The following ALK variants were observed in gnomAD, a reference collection of about 807,000 sequenced individuals.
The protein encoded by ALK is ALK tyrosine kinase receptor.
ALK carries 74 observed loss-of-function variants against 163.1 expected under a neutral mutation model. The ratio of observed to expected loss-of-function variants is 0.45; its 90% CI spans 0.38 to 0.55. The LOEUF (loss-of-function observed/expected upper bound fraction) is 0.55. ALK is among the 20% of genes least tolerant of loss of function. ALK has a pLI of 0.00. For synonymous variants in ALK, 960 were observed against 843.2 expected, an observed-to-expected ratio of 1.14 and a Z score of -2.40; for missense variants, 2,063 against 2,105.3, an observed-to-expected ratio of 0.98 and a Z score of 0.39.
chr2:29,657,286 T>C (rs1037831320), intron 3 of ALK, among the ~76,000 whole-genome samples: 4 of 152,156 alleles, frequency 2.6e-5, no homozygotes, highest in African/African-American at 9.7e-5. Context: ...ACCACTTGAC[T>C]CAGAGTCAGA....
chr2:29,480,327 C>G (rs2148117569), intron 4 of ALK, among the ~76,000 whole-genome samples: 1 of 152,234 alleles, frequency 6.6e-6, no homozygotes, highest in South Asian at 2.1e-4. Context: ...ATATTAATAT[C>G]TGCTAATTCT....
chr2:29,279,504 G>T (rs1016682984), intron 9 of ALK, among the ~76,000 whole-genome samples: 1 of 152,164 alleles, frequency 6.6e-6, no homozygotes, highest in African/African-American at 2.4e-5. Context: ...TCTAGGAATG[G>T]GGTCTGTGGG....
intron 1 of ALK, among the ~76,000 whole-genome samples, chr2:29,767,407 G>A (rs761273484): frequency 4.6e-5 from 7 of 152,142 alleles, no homozygotes; most frequent in Admixed American, 3.3e-4. Flanking sequence ...TCCCAGGACC[G>A]TTGTGATTTT....
At chr2:29,634,546 T>C (rs796841206) in intron 3 of ALK, among the ~76,000 whole-genome samples, 1 of 152,146 alleles carries the variant, frequency 6.6e-6, no homozygotes, top group African/African-American at 2.4e-5. Context: ...TATCAATTCA[T>C]GAAGAAAAAG....
chr2:29,654,882 T>A (rs1244967833), intron 3 of ALK, among the ~76,000 whole-genome samples: 1 of 152,040 alleles, frequency 6.6e-6, no homozygotes, highest in Non-Finnish European at 1.5e-5. Flanking sequence ...AAAAATATAC[T>A]AAAGGTTGAA....
At chr2:29,460,722 C>T (rs917748197) in intron 4 of ALK, among the ~76,000 whole-genome samples, 22 of 152,272 alleles carry the variant, frequency 1.4e-4, no homozygotes, top group Admixed American at 8.5e-4. Context: ...TTCTCCCTAT[C>T]TTCAGGCCTT....
chr2:29,535,668 T>G (rs941808213), intron 3 of ALK, among the ~76,000 whole-genome samples: 3 of 152,184 alleles, frequency 2.0e-5, no homozygotes, highest in African/African-American at 7.2e-5. Context: ...GGACTAAACC[T>G]GGAATCAGAA....
intron 2 of ALK, among the ~76,000 whole-genome samples, chr2:29,704,070 A>G (rs551063763): frequency 3.9e-5 from 6 of 152,284 alleles, no homozygotes; most frequent in Admixed American, 3.3e-4. Flanking sequence ...GAAAATGCCA[A>G]TGTATTCCTG....
chr2:29,613,242 G>C (rs1191853832), intron 3 of ALK, among the ~76,000 whole-genome samples: 1 of 152,184 alleles, frequency 6.6e-6, no homozygotes, highest in African/African-American at 2.4e-5. Flanking sequence ...GAAGCCGAGA[G>C]CTAAATTTAG....
chr2:29,867,527 G>A (rs1257215438), intron 1 of ALK, among the ~76,000 whole-genome samples: 2 of 152,134 alleles, frequency 1.3e-5, no homozygotes, highest in African/African-American at 2.4e-5. Context: ...CAACAAGACC[G>A]TTTTGTCTCT....
Position 29,918,584 on chromosome 2 carries a change from C to A in ALK, c.667+1409G>T, listed in dbSNP as rs538181181. ...ACTTTAGGTGCCAGTGTCACTAACA[C>A]TAATGTTGAAATGTGCATCCGCACT... On this transcript the variant is annotated intron_variant, in intron 1 of 28. Transcript: ENST00000389048. 2.0e-5 allele frequency among the ~76,000 whole-genome samples: 3 copies of A among 152,276 alleles called. No homozygotes were observed. In the East Asian group the frequency reaches 5.8e-4, roughly 29 times the overall value.
At chr2:29,422,716 T>C (rs529147166) in intron 4 of ALK, among the ~76,000 whole-genome samples, 45 of 152,354 alleles carry the variant, frequency 3.0e-4, no homozygotes, top group African/African-American at 1.1e-3. Flanking sequence ...CAGCTGCTAT[T>C]TCTTCATGAG....
Position 29,920,362 on chromosome 2 carries a change from T to C in ALK, c.298A>G (p.Arg100Gly), listed in dbSNP as rs764559656. ...SLALDCAPLL[R>G]LLGPAPGVSW... ...ACCCCCGGCGCCGGCCCCAGCAACC[T>C]GAGCAGCGGGGCGCAGTCCAGAGCT... The change falls in exon 1 of 29, where the codon AGG becomes GGG. Residue 100 changes from arginine (R) to glycine (G), a missense_variant. Around this residue, in one of 5 missense-constraint regions of ALK, gnomAD observed 987 missense variants for 939.5 expected, o/e 1.05. Transcript: ENST00000389048. 5.9e-5 allele frequency: 92 copies of C among 1,555,342 alleles called. No homozygotes were observed. Among genetic ancestry groups the C allele is most frequent in the Non-Finnish European group, 7.6e-5 (88 of 1,150,614 alleles).
At chr2:29,899,485 TTAACC>T (rs1396809222) in intron 1 of ALK, 5 of 152,182 alleles carry the variant, frequency 3.3e-5, no homozygotes, top group Non-Finnish European at 4.4e-5. Context: ...TGCAGCTGAA[TTAACC>T]TACCCTGGAG....
intron 1 of ALK, among the ~76,000 whole-genome samples, chr2:29,913,145 G>C (rs887201388): frequency 1.3e-5 from 2 of 151,764 alleles, no homozygotes; most frequent in Non-Finnish European, 2.9e-5. Flanking sequence ...AAAAAAAAAA[G>C]ACTCTTAAAT....
chr2:29,424,552 G>T (rs962995515), intron 4 of ALK, among the ~76,000 whole-genome samples: 2 of 152,226 alleles, frequency 1.3e-5, no homozygotes, highest in African/African-American at 4.8e-5. Context: ...AGGTTGCCAT[G>T]GAGGTACATC....
intron 3 of ALK, among the ~76,000 whole-genome samples, chr2:29,689,213 G>A (rs565585557): frequency 6.6e-6 from 1 of 152,318 alleles, no homozygotes; most frequent in African/African-American, 2.4e-5. Context: ...ACTGATGAAG[G>A]AGGAAATGCT....
intron 13 of ALK, among the ~76,000 whole-genome samples, chr2:29,238,446 T>C (rs1664437784): frequency 6.6e-6 from 1 of 152,104 alleles, no homozygotes; most frequent in African/African-American, 2.4e-5. Context: ...ATCCTCCCGC[T>C]TTGGCCTTCC....
chr2:29,518,785 A>G (rs1672738370), intron 4 of ALK, among the ~76,000 whole-genome samples: 1 of 152,360 alleles, frequency 6.6e-6, no homozygotes, highest in South Asian at 2.1e-4. Flanking sequence ...CTGCCTTGTT[A>G]GGAGAAAGTA....
Sources: allele counts gnomAD v4.1 joint callset (sites outside exome capture counted in the v4.1 genomes callset), GRCh38; gene constraint gnomAD v4.1.1; regional missense constraint gnomAD v4.1.1; transcripts MANE v1.5; gene names NCBI Gene and HGNC (gene_info 2026-07-23, HGNC 2026-07-21).